The following GAS2 variants were observed in gnomAD, a reference collection of about 807,000 sequenced individuals.
GAS2 encodes growth arrest specific 2.
Under a neutral mutation model 37.5 loss-of-function variants are expected in GAS2, and 20 were observed. The ratio of observed to expected loss-of-function variants is 0.53; its 90% confidence interval spans 0.37 to 0.77. GAS2 has a LOEUF of 0.77. GAS2 is among the 30% of genes least tolerant of loss of function. The pLI is 0.00. For synonymous variants in GAS2, 144 were observed against 132.2 expected (o/e 1.09, Z -0.61); for missense variants, 336 against 373.4 (o/e 0.90, Z 0.82).
intron 7 of GAS2, among the ~76,000 whole-genome samples, chr11:22,792,022 A>C (rs1856189766): frequency 6.6e-6 from 1 of 152,240 alleles, no homozygotes; most frequent in Admixed American, 6.5e-5. Context: ...AGTGATATGG[A>C]TATGCAGGTA....
chr11:22,675,678 C>T (rs986950251), intron 2 of GAS2, among the ~76,000 whole-genome samples: 7 of 88,150 alleles, frequency 7.9e-5, no homozygotes, highest in African/African-American at 2.1e-4. Context: ...TTTAAAGGAT[C>T]ATCATATATA....
intron 3 of GAS2, among the ~76,000 whole-genome samples, chr11:22,721,158 C>T (rs186680147): frequency 3.9e-5 from 6 of 152,034 alleles, no homozygotes; most frequent in East Asian, 1.9e-4. Flanking sequence ...TGAAAGTGAA[C>T]GTTGTGTACC....
intron 3 of GAS2, among the ~76,000 whole-genome samples, chr11:22,700,707 C>G (rs796773832): frequency 9.9e-5 from 15 of 152,202 alleles, no homozygotes; most frequent in African/African-American, 3.6e-4. Context: ...TCCAATGGTT[C>G]ATTCAGTTTG....
chr11:22,752,801 A>G (rs1853816655), intron 6 of GAS2, among the ~76,000 whole-genome samples: 1 of 152,100 alleles, frequency 6.6e-6, no homozygotes, highest in Non-Finnish European at 1.5e-5. Context: ...TGAAACCTTC[A>G]ATGTTTCTTC....
At chr11:22,804,652 G>A (rs574689994) in intron 7 of GAS2, among the ~76,000 whole-genome samples, 4 of 152,200 alleles carry the variant, frequency 2.6e-5, no homozygotes, top group East Asian at 1.9e-4. Flanking sequence ...ATAGTGGGAG[G>A]AATTGAACTT....
intron 3 of GAS2, among the ~76,000 whole-genome samples, chr11:22,696,725 G>A (rs550707547): frequency 2.0e-5 from 3 of 151,550 alleles, no homozygotes; most frequent in African/African-American, 7.3e-5. Flanking sequence ...GTGTTTTTTG[G>A]CTGCATAAAT....
chr11:22,808,316 T>G (rs1170942588), intron 7 of GAS2, among the ~76,000 whole-genome samples: 1 of 152,206 alleles, frequency 6.6e-6, no homozygotes, highest in Non-Finnish European at 1.5e-5. Context: ...AAAGTAAACC[T>G]AGATACATTG....
rs984822482 is a variant in GAS2, at chr11:22,796,882, T to G, written c.724-14916T>G. Among the ~76,000 whole-genome samples, 99 of 152,216 alleles carry G rather than the reference T, an allele frequency of 6.5e-4. 1 individual carries two copies. Among genetic ancestry groups the G allele is most frequent in the African/African-American group, 2.4e-3 (98 of 41,552 alleles). ...TGCTTAGTAGAGGGAATGGTTTTTC[T>G]TTGCTCCATGGAGCCCAGCTTCCCT... is the stretch of plus-strand genomic sequence containing the variant. On this transcript the variant is annotated intron_variant, in intron 7 of 7. Transcript: ENST00000454584.
At chr11:22,697,147 T>G (rs574187092) in intron 3 of GAS2, among the ~76,000 whole-genome samples, 2 of 152,192 alleles carry the variant, frequency 1.3e-5, no homozygotes, top group African/African-American at 2.4e-5. Flanking sequence ...AATCCAATTT[T>G]AGCTTTCTAC....
chr11:22,769,571 T>C (rs2134418230), intron 7 of GAS2, among the ~76,000 whole-genome samples: 1 of 152,292 alleles, frequency 6.6e-6, no homozygotes, highest in African/African-American at 2.4e-5. Context: ...GAAAGTAGCC[T>C]TAAATAAATT....
At chr11:22,788,047 C>T (rs189871676) in intron 7 of GAS2, among the ~76,000 whole-genome samples, 12 of 152,234 alleles carry the variant, frequency 7.9e-5, no homozygotes, top group Admixed American at 1.3e-4. Context: ...AAATGGTGTG[C>T]GTTTCCTTAA....
chr11:22,740,661 C>T (rs1022770843), intron 5 of GAS2, among the ~76,000 whole-genome samples: 4 of 152,130 alleles, frequency 2.6e-5, no homozygotes, highest in African/African-American at 9.7e-5. Flanking sequence ...ACCCAATAAA[C>T]TCAGATCTTA....
At chr11:22,732,049 CT>C (rs1232440230) in intron 4 of GAS2, among the ~76,000 whole-genome samples, 1 of 151,728 alleles carries the variant, frequency 6.6e-6, no homozygotes, top group Non-Finnish European at 1.5e-5. Context: ...TGTTACACAA[CT>C]TTTAAATGGC....
At chr11:22,682,887 G>GGAAAAAAAAAAAAAAAAAAAA (rs1849757390) in intron 2 of GAS2, among the ~76,000 whole-genome samples, 1 of 73,662 alleles carries the variant, frequency 1.4e-5, no homozygotes, top group African/African-American at 6.5e-5. Context: ...AAAAAAAAAA[G>GGAAAAAAAAAAAAAAAAAAAA]GAAAAAAAAA....
chr11:22,708,572 G>T (rs1344208055), intron 3 of GAS2, among the ~76,000 whole-genome samples: 1 of 152,094 alleles, frequency 6.6e-6, no homozygotes, highest in Non-Finnish European at 1.5e-5. Context: ...AGGCAGTCTG[G>T]TTCCAAATGT....
intron 1 of GAS2, among the ~76,000 whole-genome samples, chr11:22,661,303 TTGGATATGCAG>T (rs1174835026): frequency 6.6e-6 from 1 of 152,224 alleles, no homozygotes. Context: ...TTTTCCTCCC[TTGGATATGCAG>T]TGGTTTTATG....
chr11:22,806,685 T>C (rs1856906471), intron 7 of GAS2, among the ~76,000 whole-genome samples: 1 of 152,202 alleles, frequency 6.6e-6, no homozygotes, highest in African/African-American at 2.4e-5. Context: ...ACTGGCTTTC[T>C]TAGCAAATTA....
Position 22,732,740 on chromosome 11 carries a change from A to C in GAS2, c.410-4965A>C, listed in dbSNP as rs1207788207. On this transcript the variant is annotated intron_variant, in intron 4 of 7. Coordinates refer to ENST00000454584, the MANE Select transcript of GAS2 (RefSeq NM_001143830.3). ...TGCCTATAATATTTATTAAGGGCTA[A>C]TCCAACATTCGCATTATTTCCCCTC... 2.7e-5 allele frequency among the ~76,000 whole-genome samples: 4 copies of C among 150,812 alleles called. No individual in the cohort carries two copies. The East Asian group carries it at 7.8e-4, about 30-fold the overall frequency.
intron 2 of GAS2, among the ~76,000 whole-genome samples, 193 bp downstream of exon 2, chr11:22,675,207 G>C (rs1849368758): frequency 6.6e-6 from 1 of 152,182 alleles, no homozygotes; most frequent in Non-Finnish European, 1.5e-5. Context: ...CATATTAACT[G>C]TGCTTAGTAA....
Sources: allele counts gnomAD v4.1 joint callset (sites outside exome capture counted in the v4.1 genomes callset), GRCh38; gene constraint gnomAD v4.1.1; transcripts MANE v1.5; gene names NCBI Gene and HGNC (gene_info 2026-07-23, HGNC 2026-07-21).